The following KCNH1 variants were observed in gnomAD, a reference collection of about 807,000 sequenced individuals.
The protein encoded by KCNH1 is voltage-gated delayed rectifier potassium channel KCNH1.
Under a neutral mutation model 69.2 loss-of-function variants are expected in KCNH1, and 27 were observed. That is an observed-to-expected ratio of 0.39 (90% CI 0.29 to 0.54). The LOEUF (loss-of-function observed/expected upper bound fraction) is 0.54, where lower values mean the gene tolerates loss of function less well. KCNH1 is among the 20% of genes least tolerant of loss of function. KCNH1 has a pLI of 0.68. For missense variants in KCNH1, 798 were observed against 1,261.6 expected, an observed-to-expected ratio of 0.63 and a Z score of 5.57; for synonymous variants, 456 against 487.7, an observed-to-expected ratio of 0.93 and a Z score of 0.86.
At chr1:211,031,721 T>G (rs1334974324) in intron 5 of KCNH1, among the ~76,000 whole-genome samples, 1 of 152,168 alleles carries the variant, frequency 6.6e-6, no homozygotes, top group East Asian at 1.9e-4. Context: ...CCCTTCCTGC[T>G]AAAAACTCTC....
At chr1:211,032,145 T>C (rs1448301691) in intron 5 of KCNH1, among the ~76,000 whole-genome samples, 6 of 152,138 alleles carry the variant, frequency 3.9e-5, no homozygotes, top group African/African-American at 1.4e-4. Context: ...AAATCATGAG[T>C]GAACTCCCAT....
At chr1:211,066,939 G>A (rs558621643) in intron 5 of KCNH1, among the ~76,000 whole-genome samples, 1 of 152,260 alleles carries the variant, frequency 6.6e-6, no homozygotes, top group Admixed American at 6.5e-5. Flanking sequence ...CTACATGGTC[G>A]TGCCTACGCT....
At chr1:210,810,418 T>G (rs1396659122) in intron 7 of KCNH1, among the ~76,000 whole-genome samples, 1 of 152,218 alleles carries the variant, frequency 6.6e-6, no homozygotes, top group Admixed American at 6.5e-5. Flanking sequence ...AATCTGGAAA[T>G]GTATGCACTT....
At chr1:211,069,054 C>A (rs1304247892) in intron 5 of KCNH1, among the ~76,000 whole-genome samples, 4 of 152,184 alleles carry the variant, frequency 2.6e-5, no homozygotes, top group Non-Finnish European at 5.9e-5. Flanking sequence ...TGTTTATATA[C>A]ACCAGAGCAT....
Position 210,882,884 on chromosome 1 carries a change from C to T in KCNH1, c.1462+36756G>A, listed in dbSNP as rs570970903. 3.5e-4 allele frequency among the ~76,000 whole-genome samples: 53 copies of T among 152,248 alleles called. No homozygotes were observed. In the South Asian group the frequency reaches 8.1e-3, roughly 23 times the overall value. On this transcript the variant is annotated intron_variant, in intron 7 of 10. Coordinates refer to ENST00000271751, the MANE Select transcript of KCNH1 (RefSeq NM_172362.3). ...CCTTTTCAGCCCTGAGAAGCAAAAG[C>T]GTCATCACATTATCACTCTGCAAAA...
intron 10 of KCNH1, among the ~76,000 whole-genome samples, chr1:210,764,201 C>T (rs1451931213): frequency 6.6e-6 from 1 of 152,086 alleles, no homozygotes; most frequent in African/African-American, 2.4e-5. Context: ...TACCTCTCAC[C>T]ATATACAGAA....
intron 7 of KCNH1, among the ~76,000 whole-genome samples, chr1:210,879,011 T>C (rs1686439410): frequency 6.6e-6 from 1 of 152,026 alleles, no homozygotes; most frequent in Non-Finnish European, 1.5e-5. Flanking sequence ...AACTCTGTGC[T>C]CATAAATTTG....
chr1:211,092,691 T>C (rs1691073121), intron 3 of KCNH1, among the ~76,000 whole-genome samples: 1 of 152,208 alleles, frequency 6.6e-6, no homozygotes, highest in African/African-American at 2.4e-5. Context: ...TTCCTCAGAA[T>C]CTGCAGGATT....
intron 10 of KCNH1, among the ~76,000 whole-genome samples, chr1:210,700,702 T>C (rs1681751835): frequency 6.6e-6 from 1 of 152,174 alleles, no homozygotes; most frequent in Non-Finnish European, 1.5e-5. Flanking sequence ...TCTGCCACGA[T>C]AGCACAAAAA....
intron 7 of KCNH1, among the ~76,000 whole-genome samples, chr1:210,891,157 T>C (rs12752372): frequency 0.32 from 48,252 of 152,040 alleles, 8,439 homozygotes; most frequent in East Asian, 0.46. Flanking sequence ...CCATCAATGA[T>C]AGACTGGATT....
chr1:210,877,409 C>A (rs2102503283), intron 7 of KCNH1, among the ~76,000 whole-genome samples: 1 of 152,266 alleles, frequency 6.6e-6, no homozygotes, highest in East Asian at 1.9e-4. Context: ...GCTGAAATCT[C>A]AGGAACTGGG....
At chr1:210,779,527 C>T (rs1683934041) in intron 9 of KCNH1, among the ~76,000 whole-genome samples, 1 of 152,200 alleles carries the variant, frequency 6.6e-6, no homozygotes, top group African/African-American at 2.4e-5. Context: ...ACTACACCCA[C>T]ATTTGTTTCT....
intron 7 of KCNH1, among the ~76,000 whole-genome samples, chr1:210,814,139 G>A (rs941013979): frequency 2.0e-5 from 3 of 152,134 alleles, no homozygotes; most frequent in African/African-American, 7.2e-5. Context: ...TCATTGCCAT[G>A]CTAGCAGATC....
intron 5 of KCNH1, among the ~76,000 whole-genome samples, chr1:211,030,351 C>A (rs1689760375): frequency 6.6e-6 from 1 of 152,072 alleles, no homozygotes; most frequent in Non-Finnish European, 1.5e-5. Context: ...ATCAGTCTAA[C>A]CAATCACAAG....
chr1:210,717,707 A>AG (rs1258510313), intron 10 of KCNH1, among the ~76,000 whole-genome samples: 2 of 152,226 alleles, frequency 1.3e-5, no homozygotes, highest in Non-Finnish European at 2.9e-5. Context: ...ACTCAGGAAC[A>AG]GCAGATTCCC....
At chr1:211,062,847 A>C (rs1361506245) in intron 5 of KCNH1, among the ~76,000 whole-genome samples, 2 of 152,214 alleles carry the variant, frequency 1.3e-5, no homozygotes, top group Admixed American at 1.3e-4. Context: ...AATCCTCATA[A>C]ACTCTTGTTA....
At position 210,682,056 on chromosome 1, in the gene KCNH1, C is replaced by G. The variant is rs1328955973; in HGVS notation, c.*1225G>C. 1.3e-5 allele frequency: 2 copies of G among 152,226 alleles called. No homozygotes were observed. The highest frequency in any genetic ancestry group is 3.9e-4 in the East Asian group (2 of 5,194). The allele number at this position is 152,226 out of a possible 1,614,324, so 9.4% of individuals were successfully genotyped here. ...GGGAGCCACAGCTCCAAGGCCACTT[C>G]TCTCCATCACCTTACAGAGAGCTGG... On this transcript the variant is annotated 3_prime_UTR_variant, in exon 11 of 11. Transcript: ENST00000271751.
intron 7 of KCNH1, among the ~76,000 whole-genome samples, chr1:210,830,481 A>C (rs1222132399): frequency 6.6e-6 from 1 of 152,172 alleles, no homozygotes; most frequent in Non-Finnish European, 1.5e-5. Flanking sequence ...TCAATAAGAC[A>C]CTTCCCTGGA....
chr1:210,980,034 G>A (rs916770668), intron 6 of KCNH1, among the ~76,000 whole-genome samples: 1 of 152,154 alleles, frequency 6.6e-6, no homozygotes, highest in African/African-American at 2.4e-5. Flanking sequence ...TTATTAACAT[G>A]TCACAAAATG....
Sources: gnomAD v4.1 joint callset for allele counts (sites outside exome capture counted in the v4.1 genomes callset) on GRCh38, gnomAD v4.1.1 for gene constraint, MANE v1.5 for transcripts, NCBI Gene and HGNC (gene_info 2026-07-23, HGNC 2026-07-21) for gene names.